PPP2R2C: variants seen among roughly 807,000 people sequenced by gnomAD.
PPP2R2C encodes protein phosphatase 2, regulatory subunit B, gamma.
Under a neutral mutation model 45.3 loss-of-function variants are expected in PPP2R2C, and 10 were observed. The ratio of observed to expected loss-of-function variants is 0.22; its 90% CI spans 0.14 to 0.37. PPP2R2C has a LOEUF of 0.37. Ranked by LOEUF, PPP2R2C falls within the 10% of genes least tolerant of loss-of-function variation. The pLI is 1.00. For synonymous variants in PPP2R2C, 257 were observed against 245.4 expected (o/e 1.05, Z -0.44); for missense variants, 308 against 619.7 (o/e 0.50, Z 5.34).
At chr4:6,382,854 G>T in intron 1 of PPP2R2C, 1 of 1,133,448 alleles carries the variant, frequency 8.8e-7, no homozygotes, top group Non-Finnish European at 1.1e-6. Flanking sequence ...CAGAGAGGCT[G>T]GTAACACCCA....
chr4:6,349,648 G>A lies in PPP2R2C; in HGVS notation c.626-1638C>T, dbSNP rs1712346385. 6.6e-6 allele frequency: 6 copies of A among 904,280 alleles called. No individual in the cohort carries two copies. In the South Asian group the frequency reaches 2.5e-4, roughly 38 times the overall value. The allele number at this position is 904,280 out of a possible 1,614,324, so 56.0% of individuals were successfully genotyped here. ...GAGGTCAGGAGATCGAGACCATTCT[G>A]GCCAACACAGTAAAACCCCGTCTCT... On this transcript the variant is annotated intron_variant, in intron 5 of 8. Coordinates refer to ENST00000382599, the MANE Select transcript of PPP2R2C (RefSeq NM_020416.4).
chr4:6,348,228 C>T (rs1380380515), intron 5 of PPP2R2C, among the ~76,000 whole-genome samples: 3 of 151,886 alleles, frequency 2.0e-5, no homozygotes, highest in Non-Finnish European at 4.4e-5. Context: ...CCCCTGTTCC[C>T]ATGAAGCTGG....
intron 2 of PPP2R2C, among the ~76,000 whole-genome samples, chr4:6,528,935 C>T (rs2108820481): frequency 6.6e-6 from 1 of 152,350 alleles, no homozygotes; most frequent in East Asian, 1.9e-4. Flanking sequence ...TCAGACTCAG[C>T]CGGCCTGCAA....
At chr4:6,411,135 G>T (rs10804981) in intron 1 of PPP2R2C, among the ~76,000 whole-genome samples, 112,787 of 151,764 alleles carry the variant, frequency 0.74, 42,051 homozygotes, top group East Asian at 0.8. Context: ...CCTCCCAAAG[G>T]GCTTGGATTA....
intron 6 of PPP2R2C, among the ~76,000 whole-genome samples, chr4:6,335,906 C>T (rs1349480526): frequency 6.6e-6 from 1 of 152,084 alleles, no homozygotes; most frequent in East Asian, 1.9e-4. Flanking sequence ...GAAGCAGACC[C>T]CTGAAGCTCA....
chr4:6,511,822 G>GTGA (rs1560594427), intron 2 of PPP2R2C, among the ~76,000 whole-genome samples: 2 of 47,780 alleles, frequency 4.2e-5, no homozygotes, highest in Non-Finnish European at 8.8e-5. Flanking sequence ...GGTGGTGATG[G>GTGA]TGGTGGTGGT....
At chr4:6,502,146 T>C (rs1158205668) in intron 2 of PPP2R2C, among the ~76,000 whole-genome samples, 1 of 152,160 alleles carries the variant, frequency 6.6e-6, no homozygotes, top group South Asian at 2.1e-4. Flanking sequence ...TTCTTTTCCA[T>C]GTAAGAATAA....
intron 1 of PPP2R2C, chr4:6,384,559 G>T (rs886240486): frequency 1.0e-6 from 1 of 980,680 alleles, no homozygotes; most frequent in Non-Finnish European, 1.2e-6. Context: ...AATTTGATGA[G>T]GGTGGGCATA....
chr4:6,472,397 G>T lies in PPP2R2C; in HGVS notation c.-168C>A. 1.1e-6 allele frequency: 1 copy of T among 919,598 alleles called. No individual in the cohort carries two copies. Among genetic ancestry groups the T allele is most frequent in the Non-Finnish European group, 1.3e-6 (1 of 770,290 alleles). The allele number at this position is 919,598 out of a possible 1,614,324, so 57.0% of individuals were successfully genotyped here. A position where few individuals can be genotyped will look rare whatever the true frequency, so the allele number is the denominator to read the frequency against. On this transcript the variant is annotated 5_prime_UTR_variant, in exon 1 of 9. Transcript: ENST00000382599. ...GCAGGGGGACGGGCGGGGGCGGCCG[G>T]GGGCGGGCGCCGCGGTCAAGCGAGC...
At chr4:6,382,081 C>A (rs905677815) in intron 1 of PPP2R2C, 76 of 1,376,284 alleles carry the variant, frequency 5.5e-5, no homozygotes, top group Non-Finnish European at 6.9e-5. Flanking sequence ...TTACTGCAGC[C>A]CCAAAATGAT....
At chr4:6,333,014 C>A (rs892360130) in intron 7 of PPP2R2C, among the ~76,000 whole-genome samples, 4 of 152,172 alleles carry the variant, frequency 2.6e-5, no homozygotes, top group African/African-American at 9.7e-5. Flanking sequence ...CCTAACATAT[C>A]TGAATGGATG....
At chr4:6,367,945 C>A (rs1231873441) in intron 5 of PPP2R2C, among the ~76,000 whole-genome samples, 2 of 152,222 alleles carry the variant, frequency 1.3e-5, no homozygotes, top group African/African-American at 4.8e-5. Context: ...GAATCTTGTT[C>A]ATGCTATAGA....
intron 1 of PPP2R2C, among the ~76,000 whole-genome samples, chr4:6,399,394 C>T (rs992667780): frequency 6.6e-6 from 1 of 152,216 alleles, no homozygotes; most frequent in Non-Finnish European, 1.5e-5. Flanking sequence ...GTCCACCACC[C>T]AAGCAATCGC....
chr4:6,360,928 C>T (rs1489274695), intron 5 of PPP2R2C, among the ~76,000 whole-genome samples: 1 of 152,188 alleles, frequency 6.6e-6, no homozygotes, highest in Non-Finnish European at 1.5e-5. Flanking sequence ...CTTATTCCTG[C>T]ATCTTAACAT....
chr4:6,526,249 T>G (rs77174599), intron 2 of PPP2R2C, among the ~76,000 whole-genome samples: 1,647 of 152,364 alleles, frequency 0.011, 32 homozygotes, highest in African/African-American at 0.038. Flanking sequence ...GTTGAATACA[T>G]ATACTTAGCT....
chr4:6,517,169 G>A (rs925665043), intron 2 of PPP2R2C, among the ~76,000 whole-genome samples: 1 of 152,186 alleles, frequency 6.6e-6, no homozygotes. Flanking sequence ...CCTGGCAGAA[G>A]GTAGACAGGG....
At chr4:6,509,118 G>T (rs1376406766) in intron 2 of PPP2R2C, among the ~76,000 whole-genome samples, 2 of 152,188 alleles carry the variant, frequency 1.3e-5, no homozygotes, top group East Asian at 3.8e-4. Context: ...GATTCTTAAG[G>T]ATAATCAGAT....
At chr4:6,362,891 C>CT (rs1303957913) in intron 5 of PPP2R2C, among the ~76,000 whole-genome samples, 1 of 20,582 alleles carries the variant, frequency 4.9e-5, no homozygotes, top group African/African-American at 8.0e-5. Context: ...CACCCCCTTT[C>CT]CCCTTTGACT....
chr4:6,389,566 C>T (rs545482681), intron 1 of PPP2R2C, among the ~76,000 whole-genome samples: 49 of 152,220 alleles, frequency 3.2e-4, no homozygotes, highest in African/African-American at 1.1e-3. Flanking sequence ...ATGGGCTTGG[C>T]GAGCGAATTT....
Sources: allele counts gnomAD v4.1 joint callset (sites outside exome capture counted in the v4.1 genomes callset), GRCh38; gene constraint gnomAD v4.1.1; transcripts MANE v1.5; gene names NCBI Gene and HGNC (gene_info 2026-07-23, HGNC 2026-07-21).